Variants in MBD5 observed in about 807,000 individuals in gnomAD.
MBD5 encodes the protein methyl-CpG binding domain protein 5, also known as methyl-CpG-binding domain protein 5.
In MBD5, 13 loss-of-function variants were observed where a neutral mutation model predicts 117.3. The observed-to-expected ratio is 0.11, with a 90% CI of 0.07 to 0.18. The LOEUF is 0.18. Among genes scored for constraint, MBD5 ranks in the 10% least tolerant of loss-of-function variants. The probability of loss-of-function intolerance (pLI) is 1.00; values close to 1 mark genes in which losing one functional copy is unlikely to be tolerated. For missense variants in MBD5, 1,879 were observed against 2,093.8 expected, an observed-to-expected ratio of 0.90 and a Z score of 2.00; for synonymous variants, 727 against 766.4, an observed-to-expected ratio of 0.95 and a Z score of 0.85.
intron 1 of MBD5, among the ~76,000 whole-genome samples, chr2:148,046,478 C>T (rs2105725598): frequency 6.6e-6 from 1 of 152,230 alleles, no homozygotes; most frequent in Admixed American, 6.5e-5. Flanking sequence ...TACTCATTAA[C>T]ATCTCCCACA....
intron 3 of MBD5, among the ~76,000 whole-genome samples, chr2:148,266,784 A>T (rs562755076): frequency 6.6e-6 from 1 of 152,178 alleles, no homozygotes; most frequent in East Asian, 1.9e-4. Context: ...TAAACAATTT[A>T]TCTGAAGAAA....
At chr2:148,064,305 C>CG (rs1333657446) in intron 1 of MBD5, among the ~76,000 whole-genome samples, 6 of 151,738 alleles carry the variant, frequency 4.0e-5, no homozygotes, top group African/African-American at 1.4e-4. Flanking sequence ...TTAGTAGAGA[C>CG]GGGGTTTCTC....
At chr2:148,205,254 AT>A (rs1399698497) in intron 2 of MBD5, among the ~76,000 whole-genome samples, 1 of 151,506 alleles carries the variant, frequency 6.6e-6, no homozygotes, top group Non-Finnish European at 1.5e-5. Context: ...ATTTATTTTT[AT>A]TTTTTTGTAT....
intron 4 of MBD5, among the ~76,000 whole-genome samples, chr2:148,390,002 G>A (rs1167880463): frequency 2.0e-5 from 3 of 152,020 alleles, no homozygotes; most frequent in Admixed American, 1.3e-4. Context: ...TGTCTAAGCC[G>A]ATGTCCAGAA....
At chr2:148,122,317 A>T (rs771949562) in intron 1 of MBD5, among the ~76,000 whole-genome samples, 1 of 152,176 alleles carries the variant, frequency 6.6e-6, no homozygotes, top group Non-Finnish European at 1.5e-5. Context: ...TAGAAACAAT[A>T]CCTGATTATA....
intron 11 of MBD5, among the ~76,000 whole-genome samples, chr2:148,491,061 G>A (rs1681510653): frequency 6.6e-6 from 1 of 152,246 alleles, no homozygotes; most frequent in Non-Finnish European, 1.5e-5. Flanking sequence ...GGCACACACA[G>A]CTGGGAAGGG....
chr2:148,092,920 C>T (rs12615059), intron 1 of MBD5, among the ~76,000 whole-genome samples: 66,290 of 151,348 alleles, frequency 0.44, 14,674 homozygotes, highest in South Asian at 0.51. Context: ...TCTTATCTAT[C>T]ATGACCTTTT....
intron 1 of MBD5, among the ~76,000 whole-genome samples, chr2:148,163,515 A>G (rs1698057646): frequency 6.6e-6 from 1 of 152,134 alleles, no homozygotes; most frequent in South Asian, 2.1e-4. Context: ...TCCCAGGTTC[A>G]AGCGACAATC....
At chr2:148,066,571 C>T (rs907300212) in intron 1 of MBD5, among the ~76,000 whole-genome samples, 16 of 151,364 alleles carry the variant, frequency 1.1e-4, no homozygotes, top group Admixed American at 1.3e-4. Context: ...ACTGCAACCT[C>T]CACCTCCCAG....
intron 3 of MBD5, among the ~76,000 whole-genome samples, chr2:148,310,661 A>G (rs1702007071): frequency 6.6e-6 from 1 of 151,450 alleles, no homozygotes. Context: ...TTCTGCTCTG[A>G]TCTTAGTTAT....
chr2:148,255,624 G>C (rs1329883718), intron 3 of MBD5, among the ~76,000 whole-genome samples: 1 of 152,186 alleles, frequency 6.6e-6, no homozygotes, highest in Non-Finnish European at 1.5e-5. Flanking sequence ...CATCCTTAGT[G>C]TGTATCTACA....
intron 3 of MBD5, among the ~76,000 whole-genome samples, chr2:148,234,183 T>C (rs952152539): frequency 1.3e-5 from 2 of 152,138 alleles, no homozygotes; most frequent in East Asian, 3.8e-4. Context: ...AATAAAAATA[T>C]ACACTTTTAA....
In MBD5 at chr2:148,469,997, C is replaced by A. The variant is rs1346731248; in HGVS notation, c.2054C>A (p.Pro685His). 1 of 1,613,782 alleles carries A rather than the reference C, an allele frequency of 6.2e-7. No individual in the cohort carries two copies. Among genetic ancestry groups the A allele is most frequent in the Non-Finnish European group, 8.5e-7 (1 of 1,179,814 alleles). The change falls in exon 8 of 14, where the codon CCT (proline) becomes CAT (histidine). Residue 685 changes from proline to histidine, a missense_variant. This residue lies in a region of MBD5 where 1,666 missense variants were observed against 1,792.2 expected (regional missense o/e 0.93). Coordinates refer to ENST00000642680, the MANE Select transcript of MBD5 (RefSeq NM_001378120.1). ...AGTTCTGCAGTTCCTAAACCTGGAC[C>A]TGACTTGCTAAGGAAGCAGGGTCAG... Reference protein sequence around the residue: ...MDSSAVPKPGPDLLRKQGQGS... With the variant: ...MDSSAVPKPGHDLLRKQGQGS...
At position 148,383,066 on chromosome 2, in the gene MBD5, A is replaced by T. The variant is rs1176093662; in HGVS notation, c.-557+40730A>T. Among the ~76,000 whole-genome samples the T allele has an allele frequency of 2.0e-5, 3 of 152,028 alleles. No homozygotes were observed. In the East Asian group the frequency reaches 5.8e-4, roughly 29 times the overall value. The stretch of plus-strand genomic sequence containing the variant: ...AAGAACTAGAGAAGCAAGAGCAAAC[A>T]CATTCAAAAGCTAGCAGAAGGCAAG... On this transcript the variant is annotated intron_variant, in intron 4 of 13. Coordinates refer to ENST00000642680, the MANE Select transcript of MBD5 (RefSeq NM_001378120.1).
intron 4 of MBD5, among the ~76,000 whole-genome samples, chr2:148,453,426 C>G (rs967405362): frequency 2.6e-5 from 4 of 152,062 alleles, no homozygotes; most frequent in Non-Finnish European, 5.9e-5. Flanking sequence ...GGCACACACA[C>G]ACACATGCAC....
chr2:148,154,548 A>G (rs77925078), intron 1 of MBD5, among the ~76,000 whole-genome samples: 4 of 152,120 alleles, frequency 2.6e-5, no homozygotes, highest in African/African-American at 4.8e-5. Context: ...CCGCCTTGCA[A>G]TTTGATCTCA....
intron 1 of MBD5, among the ~76,000 whole-genome samples, chr2:148,113,710 A>G (rs904134474): frequency 6.6e-6 from 1 of 152,138 alleles, no homozygotes; most frequent in Non-Finnish European, 1.5e-5. Context: ...CCTCTTTGTA[A>G]ATAATCTGAA....
At chr2:148,408,054 C>T (rs566872327) in intron 4 of MBD5, among the ~76,000 whole-genome samples, 4 of 152,092 alleles carry the variant, frequency 2.6e-5, no homozygotes, top group African/African-American at 9.6e-5. Context: ...TAGTCAGACT[C>T]ATCAGTATTC....
intron 1 of MBD5, among the ~76,000 whole-genome samples, chr2:148,038,015 A>C (rs1694242983): frequency 6.6e-6 from 1 of 151,964 alleles, no homozygotes; most frequent in Non-Finnish European, 1.5e-5. Flanking sequence ...TTAATTTTTC[A>C]TTCTCTCAAT....
Sources: allele counts gnomAD v4.1 joint callset (sites outside exome capture counted in the v4.1 genomes callset), GRCh38; gene constraint gnomAD v4.1.1; regional missense constraint gnomAD v4.1.1; transcripts MANE v1.5; gene names NCBI Gene and HGNC (gene_info 2026-07-23, HGNC 2026-07-21).